Variants in ADAM12 observed in about 807,000 individuals in gnomAD.
The protein encoded by ADAM12 is ADAM metallopeptidase domain 12.
ADAM12 carries 70 observed loss-of-function variants against 106.4 expected under a neutral mutation model. The ratio of observed to expected loss-of-function variants is 0.66; its 90% confidence interval spans 0.54 to 0.80. ADAM12 has a LOEUF of 0.80. Ranked by LOEUF, ADAM12 falls within the 30% of genes least tolerant of loss-of-function variation. The pLI is 0.00. For missense variants in ADAM12, 1,010 were observed against 1,171.9 expected, an observed-to-expected ratio of 0.86 and a Z score of 2.02; for synonymous variants, 420 against 433.5, an observed-to-expected ratio of 0.97 and a Z score of 0.39.
At chr10:126,242,941 A>G (rs1332242495) in intron 3 of ADAM12, among the ~76,000 whole-genome samples, 1 of 152,214 alleles carries the variant, frequency 6.6e-6, no homozygotes, top group Admixed American at 6.5e-5. Context: ...TGTCCCCTGA[A>G]AGGGATATGA....
intron 21 of ADAM12, 112 bp downstream of exon 21, chr10:126,036,034 T>C: frequency 1.0e-6 from 1 of 974,182 alleles, no homozygotes; most frequent in Non-Finnish European, 1.4e-6. Context: ...CTGAATTATC[T>C]CCATTTTACA....
chr10:126,294,188 T>C (rs1960273766), intron 2 of ADAM12, among the ~76,000 whole-genome samples: 1 of 151,994 alleles, frequency 6.6e-6, no homozygotes, highest in African/African-American at 2.4e-5. Flanking sequence ...ACCCTGAGAG[T>C]CAATCTTGAT....
chr10:126,098,399 C>G lies in ADAM12; in HGVS notation c.996+17G>C. 6.2e-7 allele frequency: 1 copy of G among 1,607,606 alleles called. No homozygotes were observed. Among genetic ancestry groups the G allele is most frequent in the Non-Finnish European group, 8.5e-7 (1 of 1,174,344 alleles). On this transcript the variant is annotated intron_variant, in intron 10 of 22. Coordinates refer to ENST00000448723, the MANE Select transcript of ADAM12 (RefSeq NM_001288973.2). ...ATCATTATCAAGGGGAACCAGCTCC[C>G]AATGCCCTTGGCTTACCATGACAAT... is the stretch of plus-strand genomic sequence containing the variant.
intron 3 of ADAM12, among the ~76,000 whole-genome samples, chr10:126,259,888 A>G (rs2133706200): frequency 6.6e-6 from 1 of 152,334 alleles, no homozygotes; most frequent in Non-Finnish European, 1.5e-5. Flanking sequence ...TGATAGGGAA[A>G]TGATGCATAT....
chr10:126,136,680 T>C (rs1384540695), intron 4 of ADAM12, among the ~76,000 whole-genome samples: 10 of 152,196 alleles, frequency 6.6e-5, no homozygotes, highest in South Asian at 2.1e-4. Flanking sequence ...CCAGATGCAA[T>C]TGAGTCATGA....
intron 11 of ADAM12, among the ~76,000 whole-genome samples, chr10:126,086,242 A>G (rs921905681): frequency 6.6e-6 from 1 of 150,822 alleles, no homozygotes; most frequent in Non-Finnish European, 1.5e-5. Context: ...GTTCTCTCAT[A>G]AAGCCCAGAT....
At chr10:126,149,897 C>T (rs960969230) in intron 4 of ADAM12, among the ~76,000 whole-genome samples, 6 of 152,182 alleles carry the variant, frequency 3.9e-5, no homozygotes, top group Non-Finnish European at 5.9e-5. Flanking sequence ...ACCTTGTGAT[C>T]GTGTGAGTCT....
chr10:126,283,464 G>T (rs1047959003), intron 2 of ADAM12, among the ~76,000 whole-genome samples: 2 of 152,116 alleles, frequency 1.3e-5, no homozygotes, highest in Non-Finnish European at 2.9e-5. Flanking sequence ...ATGAATATCT[G>T]GCAAAAATTT....
At chr10:126,054,024 C>T (rs1954571529) in intron 14 of ADAM12, among the ~76,000 whole-genome samples, 1 of 152,180 alleles carries the variant, frequency 6.6e-6, no homozygotes, top group Non-Finnish European at 1.5e-5. Flanking sequence ...AGTCTTCTTG[C>T]TTTCCATGGC....
chr10:126,126,409 C>T (rs1956207158), intron 5 of ADAM12, among the ~76,000 whole-genome samples: 1 of 152,092 alleles, frequency 6.6e-6, no homozygotes, highest in Non-Finnish European at 1.5e-5. Context: ...TGATATCTGG[C>T]TCCCTTTACA....
At chr10:126,018,634 G>A (rs1197676668) in intron 22 of ADAM12, among the ~76,000 whole-genome samples, 1 of 151,882 alleles carries the variant, frequency 6.6e-6, no homozygotes, top group African/African-American at 2.4e-5. Flanking sequence ...CCTTAATATT[G>A]GCTAGGTTTA....
intron 3 of ADAM12, among the ~76,000 whole-genome samples, chr10:126,243,068 T>C (rs1235127715): frequency 3.9e-5 from 6 of 152,190 alleles, no homozygotes; most frequent in African/African-American, 9.6e-5. Flanking sequence ...TCTAGACACA[T>C]TCACCCTGTC....
At position 126,166,778 on chromosome 10, in the gene ADAM12, C is replaced by T. The variant is rs187521217; in HGVS notation, c.261-11473G>A. Among the ~76,000 whole-genome samples the T allele has an allele frequency of 2.0e-3, 302 of 152,230 alleles. 9 individuals are homozygous for T. The East Asian group carries it at 0.05, about 25-fold the overall frequency. ...TCCCAAAGGCATGAGCCATCATGCCCGGCCTCAGGCTGTTTTTAATGTGTC... is the reference window on the plus strand; with the variant it reads ...TCCCAAAGGCATGAGCCATCATGCCTGGCCTCAGGCTGTTTTTAATGTGTC... On this transcript the variant is annotated intron_variant, in intron 3 of 22. Transcript: ENST00000448723.
chr10:126,179,472 C>G (rs1957275507), intron 3 of ADAM12, among the ~76,000 whole-genome samples: 2 of 152,154 alleles, frequency 1.3e-5, no homozygotes, highest in Admixed American at 6.5e-5. Context: ...AAAACAAAGT[C>G]AATTCTAGAG....
intron 11 of ADAM12, among the ~76,000 whole-genome samples, chr10:126,077,696 T>C (rs946274632): frequency 2.6e-5 from 4 of 152,224 alleles, no homozygotes; most frequent in Non-Finnish European, 4.4e-5. Context: ...GCTAACCATA[T>C]GCAGAAGATT....
At chr10:126,286,953 T>C (rs1959893561) in intron 2 of ADAM12, among the ~76,000 whole-genome samples, 1 of 152,222 alleles carries the variant, frequency 6.6e-6, no homozygotes, top group African/African-American at 2.4e-5. Flanking sequence ...CTTCTCACTG[T>C]GTTTCTGCAG....
At chr10:126,252,116 GGA>G (rs1381263484) in intron 3 of ADAM12, among the ~76,000 whole-genome samples, 23 of 31,754 alleles carry the variant, frequency 7.2e-4, no homozygotes, top group African/African-American at 2.7e-3. Context: ...TGGATGGATG[GGA>G]TGGATGGATG....
chr10:126,220,335 G>C lies in ADAM12; in HGVS notation c.260+58580C>G, dbSNP rs147443264. Among the ~76,000 whole-genome samples the C allele has an allele frequency of 6.8e-3, 1,033 of 152,214 alleles. 5 individuals are homozygous for C. The highest frequency in any genetic ancestry group is 0.011 in the Non-Finnish European group (776 of 68,022). ...TGATACTACAGTCCTGTGTATAGCTGGGAAACAGAGGTCAGGGAATGCAAG... is the reference window on the plus strand; with the variant it reads ...TGATACTACAGTCCTGTGTATAGCTCGGAAACAGAGGTCAGGGAATGCAAG... On this transcript the variant is annotated intron_variant, in intron 3 of 22. Transcript: ENST00000448723.
In ADAM12 at chr10:126,133,905, T is replaced by C. The variant is rs1368677333; in HGVS notation, c.416+1679A>G. On this transcript the variant is annotated intron_variant, in intron 5 of 22. Transcript: ENST00000448723. ...TCACCTCCTTCCGAACCTCCCTGAC[T>C]ACCTGTTGCCTTTCCTGTCCTCCAT... 2.0e-5 allele frequency among the ~76,000 whole-genome samples: 3 copies of C among 152,222 alleles called. No homozygotes were observed. The East Asian group carries it at 5.8e-4, about 29-fold the overall frequency.
Sources: allele counts gnomAD v4.1 joint callset (sites outside exome capture counted in the v4.1 genomes callset), GRCh38; gene constraint gnomAD v4.1.1; transcripts MANE v1.5; gene names NCBI Gene and HGNC (gene_info 2026-07-23, HGNC 2026-07-21).